Variants in DNER observed in about 807,000 individuals in gnomAD.
DNER encodes the protein delta/notch like EGF repeat containing, also known as delta and Notch-like epidermal growth factor-related receptor.
DNER carries 33 observed loss-of-function variants against 78.2 expected under a neutral mutation model. The observed-to-expected ratio is 0.42, with a 90% CI of 0.32 to 0.56. The LOEUF is 0.56. Ranked by LOEUF, DNER falls within the 20% of genes least tolerant of loss-of-function variation. DNER has a pLI of 0.11. For synonymous variants in DNER, 417 were observed against 384.8 expected (o/e 1.08, Z -0.98); for missense variants, 918 against 975.3 (o/e 0.94, Z 0.78).
chr2:229,399,377 G>A (rs1039148391), intron 10 of DNER, among the ~76,000 whole-genome samples: 1 of 151,644 alleles, frequency 6.6e-6, no homozygotes, highest in African/African-American at 2.4e-5. Context: ...GGGAAAAAAT[G>A]TTGATGAAAG....
chr2:229,521,254 G>A lies in DNER; in HGVS notation c.994-8318C>T, dbSNP rs141098359. 1.8e-4 allele frequency among the ~76,000 whole-genome samples: 27 copies of A among 152,312 alleles called. 1 individual carries two copies. The highest frequency in any genetic ancestry group is 6.2e-4 in the South Asian group (3 of 4,820). On this transcript the variant is annotated intron_variant, in intron 5 of 12. Transcript: ENST00000341772. ...AGGGCTTTCTGCAGCCACTTTTACC[G>A]ACAGCTTATGTTGCCCTAAGCAGCC...
intron 6 of DNER, among the ~76,000 whole-genome samples, chr2:229,483,749 G>C (rs1304969686): frequency 6.6e-6 from 1 of 152,156 alleles, no homozygotes; most frequent in Non-Finnish European, 1.5e-5. Context: ...GCAGCCTTCT[G>C]TGCCCACCCT....
At chr2:229,570,037 C>T (rs895265805) in intron 4 of DNER, among the ~76,000 whole-genome samples, 1 of 152,176 alleles carries the variant, frequency 6.6e-6, no homozygotes, top group African/African-American at 2.4e-5. Context: ...CAGATCCACC[C>T]CTGGACTTTC....
At chr2:229,529,126 G>T (rs16826107) in intron 5 of DNER, among the ~76,000 whole-genome samples, 1 of 152,030 alleles carries the variant, frequency 6.6e-6, no homozygotes. Flanking sequence ...TTTTAGCAAC[G>T]TGAGAAAGCC....
At chr2:229,590,432 G>T (rs1697581410) in intron 2 of DNER, among the ~76,000 whole-genome samples, 1 of 152,036 alleles carries the variant, frequency 6.6e-6, no homozygotes, top group Non-Finnish European at 1.5e-5. Flanking sequence ...ATACTTCAAG[G>T]TACCAAAAAT....
At chr2:229,537,241 C>A (rs891433560) in intron 5 of DNER, among the ~76,000 whole-genome samples, 4 of 152,200 alleles carry the variant, frequency 2.6e-5, no homozygotes, top group African/African-American at 4.8e-5. Flanking sequence ...CCAAAAAAAA[C>A]CCAAAAATGT....
At chr2:229,522,554 A>G (rs529949186) in intron 5 of DNER, among the ~76,000 whole-genome samples, 1 of 152,352 alleles carries the variant, frequency 6.6e-6, no homozygotes, top group South Asian at 2.1e-4. Flanking sequence ...ATACCATTCT[A>G]CTTTCTTATT....
In DNER at chr2:229,387,891, GTTTT is replaced by G. The variant is rs869118536; in HGVS notation, c.1855+370_1855+373del. ...TGTGTGTGTGTGTGTGTGTGTGTGTGTTTTTTAATTTTCAACACAAAGACTCTAT... is the reference window on the plus strand; with the variant it reads ...TGTGTGTGTGTGTGTGTGTGTGTGTGTTAATTTTCAACACAAAGACTCTAT... On this transcript the variant is annotated intron_variant, in intron 11 of 12. Transcript: ENST00000341772. Among the ~76,000 whole-genome samples the G allele has an allele frequency of 5.3e-5, 3 of 57,132 alleles. No individual in the cohort carries two copies. The South Asian group carries it at 1.9e-3, about 36-fold the overall frequency. 37.5% of individuals were successfully genotyped at this position (57,132 alleles called of 152,430 possible).
At chr2:229,513,398 C>A (rs1695911135) in intron 5 of DNER, among the ~76,000 whole-genome samples, 1 of 152,210 alleles carries the variant, frequency 6.6e-6, no homozygotes, top group Admixed American at 6.5e-5. Context: ...AGAAAATGCA[C>A]TGAATCACTC....
At chr2:229,541,911 T>C (rs1405107577) in intron 5 of DNER, among the ~76,000 whole-genome samples, 2 of 147,234 alleles carry the variant, frequency 1.4e-5, no homozygotes, top group Non-Finnish European at 3.0e-5. Context: ...TATATTTATA[T>C]TTATATTTAT....
intron 6 of DNER, among the ~76,000 whole-genome samples, chr2:229,488,583 G>T (rs12477612): frequency 3.3e-5 from 5 of 152,212 alleles, no homozygotes; most frequent in Admixed American, 2.0e-4. Context: ...GCTAAGTAAA[G>T]TTGGTGAGTG....
chr2:229,584,025 G>A (rs918689622), intron 4 of DNER, among the ~76,000 whole-genome samples: 1 of 152,126 alleles, frequency 6.6e-6, no homozygotes, highest in Non-Finnish European at 1.5e-5. Context: ...AACATAAAGT[G>A]CAATATAAAT....
intron 8 of DNER, among the ~76,000 whole-genome samples, chr2:229,429,056 G>A (rs1693948004): frequency 6.6e-6 from 1 of 152,172 alleles, no homozygotes; most frequent in Non-Finnish European, 1.5e-5. Flanking sequence ...GGCCCCTGCA[G>A]AGTGATGTCT....
chr2:229,391,778 G>A (rs1312017866), intron 10 of DNER, among the ~76,000 whole-genome samples: 1 of 151,946 alleles, frequency 6.6e-6, no homozygotes, highest in African/African-American at 2.4e-5. Flanking sequence ...CCTGACCTCA[G>A]GTGATCTGCC....
At chr2:229,628,003 A>G (rs1698374530) in intron 1 of DNER, among the ~76,000 whole-genome samples, 1 of 152,130 alleles carries the variant, frequency 6.6e-6, no homozygotes, top group Non-Finnish European at 1.5e-5. Flanking sequence ...TCTCTTACAC[A>G]TGGGCAGGCC....
rs148040755 is a variant in DNER, at chr2:229,518,850, C to T, written c.994-5914G>A. On this transcript the variant is annotated intron_variant, in intron 5 of 12. Coordinates refer to ENST00000341772, the MANE Select transcript of DNER (RefSeq NM_139072.4). ...CATATATCACTTCGTGCACCATTTA[C>T]GAACTCTTACCCAAGAAAATTCACT... Among the ~76,000 whole-genome samples the T allele has an allele frequency of 8.1e-4, 123 of 152,240 alleles. No homozygotes were observed. The East Asian group carries it at 0.02, about 25-fold the overall frequency.
intron 4 of DNER, among the ~76,000 whole-genome samples, chr2:229,581,982 T>C (rs1697406552): frequency 2.0e-5 from 3 of 152,170 alleles, no homozygotes; most frequent in Admixed American, 6.5e-5. Context: ...GACAGTCAAT[T>C]CCTGAAAGTG....
chr2:229,689,950 G>C (rs1484689336), intron 1 of DNER, among the ~76,000 whole-genome samples: 2 of 152,190 alleles, frequency 1.3e-5, no homozygotes, highest in Non-Finnish European at 2.9e-5. Context: ...TCATTCTTCT[G>C]TTCAAACACA....
intron 1 of DNER, among the ~76,000 whole-genome samples, chr2:229,699,045 C>T (rs1352922534): frequency 3.9e-5 from 6 of 152,170 alleles, no homozygotes; most frequent in Non-Finnish European, 8.8e-5. Context: ...AATATTAGTG[C>T]AAGCCTTTCT....
Sources: allele counts gnomAD v4.1 joint callset (sites outside exome capture counted in the v4.1 genomes callset), GRCh38; gene constraint gnomAD v4.1.1; transcripts MANE v1.5; gene names NCBI Gene and HGNC (gene_info 2026-07-23, HGNC 2026-07-21).